The following REEP5 variants were observed in gnomAD, a reference collection of about 807,000 sequenced individuals.
The protein encoded by REEP5 is receptor accessory protein 5.
A neutral mutation model predicts 22.4 loss-of-function variants in REEP5; 24 were observed. The observed-to-expected ratio is 1.07, with a 90% CI of 0.78 to 1.51. The LOEUF is 1.51. Ranked by LOEUF, REEP5 falls within the 40% of genes most tolerant of loss-of-function variation. REEP5 has a pLI of 0.00. For synonymous variants in REEP5, 103 were observed against 88.6 expected (o/e 1.16, Z -0.92); for missense variants, 252 against 233.0 (o/e 1.08, Z -0.53).
At chr5:112,891,339 C>A (rs1247642339) in intron 3 of REEP5, among the ~76,000 whole-genome samples, 1 of 152,092 alleles carries the variant, frequency 6.6e-6, no homozygotes, top group East Asian at 1.9e-4. Flanking sequence ...TCCTAAAGTG[C>A]TGGGATTACA....
chr5:112,906,806 C>T (rs958233828), intron 2 of REEP5, among the ~76,000 whole-genome samples: 3 of 152,168 alleles, frequency 2.0e-5, no homozygotes, highest in African/African-American at 7.2e-5. Flanking sequence ...TGGAAACCAC[C>T]TCAAAGTTCC....
chr5:112,892,955 G>A, intron 3 of REEP5: 3 of 1,595,348 alleles, frequency 1.9e-6, no homozygotes, highest in African/African-American at 1.3e-5. Context: ...TGGGACCAGG[G>A]CCGCCGGAGC....
intron 3 of REEP5, 40 bp from the exon 4 acceptor site, chr5:112,887,223 GA>G (rs771564311): frequency 6.6e-7 from 1 of 1,504,362 alleles, no homozygotes; most frequent in Non-Finnish European, 9.0e-7. Flanking sequence ...CAGGAGGGTG[GA>G]GGGGGCACAT....
At chr5:112,889,226 A>G (rs1205280464) in intron 3 of REEP5, among the ~76,000 whole-genome samples, 1 of 148,634 alleles carries the variant, frequency 6.7e-6, no homozygotes, top group African/African-American at 2.6e-5. Flanking sequence ...ACAGAGCAAG[A>G]GCTCATCTCA....
At chr5:112,899,415 G>A (rs934991079) in intron 3 of REEP5, among the ~76,000 whole-genome samples, 1 of 152,026 alleles carries the variant, frequency 6.6e-6, no homozygotes, top group Non-Finnish European at 1.5e-5. Flanking sequence ...AGTATGCTGG[G>A]ATTACAGGCA....
intron 2 of REEP5, among the ~76,000 whole-genome samples, chr5:112,907,574 C>T (rs1315974811): frequency 6.6e-6 from 1 of 152,166 alleles, no homozygotes; most frequent in Non-Finnish European, 1.5e-5. Context: ...CAGCAGCTGG[C>T]AGCTCTAAAA....
At chr5:112,904,600 G>A (rs1768915983) in intron 2 of REEP5, among the ~76,000 whole-genome samples, 1 of 152,158 alleles carries the variant, frequency 6.6e-6, no homozygotes, top group Non-Finnish European at 1.5e-5. Flanking sequence ...GACTGTCATT[G>A]TTAATCCAGT....
Position 112,877,345 on chromosome 5 carries a change from GTTAGT to G in REEP5, c.*1436_*1440del, listed in dbSNP as rs1463379284. 1.3e-5 allele frequency: 2 copies of G among 152,090 alleles called. No homozygotes were observed. Among genetic ancestry groups the G allele is most frequent in the Non-Finnish European group, 2.9e-5 (2 of 68,006 alleles). 9.4% of individuals were successfully genotyped at this position (152,090 alleles called of 1,614,324 possible). A position where few individuals can be genotyped will look rare whatever the true frequency, so the allele number is the denominator to read the frequency against. ...CTGTACTGGCTGGATATTTAATCTT[GTTAGT>G]TTAGTTATACACTTGTTTTAGTCGA... On this transcript the variant is annotated 3_prime_UTR_variant, in exon 5 of 5. Coordinates refer to ENST00000379638, the MANE Select transcript of REEP5 (RefSeq NM_005669.5).
intron 3 of REEP5, among the ~76,000 whole-genome samples, chr5:112,890,383 A>T (rs560359938): frequency 2.6e-4 from 39 of 147,670 alleles, no homozygotes; most frequent in South Asian, 1.7e-3. Flanking sequence ...TTTTTTTTTT[A>T]AATAAAAAAG....
chr5:112,903,732 T>A (rs143168792), intron 2 of REEP5, among the ~76,000 whole-genome samples: 45 of 152,168 alleles, frequency 3.0e-4, no homozygotes, highest in African/African-American at 1.1e-3. Context: ...TTTTAGAAAA[T>A]AACCAAAAGG....
intron 2 of REEP5, among the ~76,000 whole-genome samples, chr5:112,911,940 A>G (rs1231517680): frequency 1.3e-5 from 2 of 152,174 alleles, no homozygotes; most frequent in Non-Finnish European, 2.9e-5. Context: ...ATGAAAGAAA[A>G]TACTCTTAGG....
At chr5:112,881,128 CAAAAAAAAAAAA>C (rs58737941) in intron 4 of REEP5, among the ~76,000 whole-genome samples, 4 of 67,218 alleles carry the variant, frequency 6.0e-5, no homozygotes, top group East Asian at 5.2e-4. Context: ...GACTCTGTTT[CAAAAAAAAAAAA>C]AAAAAAAAAA....
At chr5:112,890,245 C>T (rs1486106424) in intron 3 of REEP5, among the ~76,000 whole-genome samples, 1 of 150,318 alleles carries the variant, frequency 6.7e-6, no homozygotes, top group East Asian at 2.0e-4. Flanking sequence ...AGCTGTGATA[C>T]CATCACTGCA....
chr5:112,910,844 T>G (rs1029330862), intron 2 of REEP5, among the ~76,000 whole-genome samples: 1 of 152,328 alleles, frequency 6.6e-6, no homozygotes, highest in East Asian at 1.9e-4. Context: ...AGAGCCCTGA[T>G]TTTATATACA....
chr5:112,891,636 C>T (rs1484886504), intron 3 of REEP5: 1 of 1,599,954 alleles, frequency 6.3e-7, no homozygotes, highest in Admixed American at 1.8e-5. Context: ...GCGGTGCTGG[C>T]AAGATGGCTG....
intron 3 of REEP5, among the ~76,000 whole-genome samples, chr5:112,889,382 C>T (rs574925890): frequency 3.1e-4 from 46 of 150,644 alleles, no homozygotes; most frequent in African/African-American, 9.9e-4. Context: ...CAGACAAACA[C>T]CAACTCCCAA....
intron 2 of REEP5, among the ~76,000 whole-genome samples, chr5:112,906,968 T>C (rs1048036412): frequency 1.3e-5 from 2 of 152,206 alleles, no homozygotes; most frequent in East Asian, 3.8e-4. Context: ...GAAGTCAAAC[T>C]GAATAATGTC....
Position 112,878,796 on chromosome 5 carries a change from T to C in REEP5, c.560A>G (p.Lys187Arg). Residue 187 changes from lysine (K) to arginine (R), a missense_variant, in exon 5 of 5, where the codon AAG becomes AGG. By Grantham distance (26) the Lys-to-Arg change is conservative. Coordinates refer to ENST00000379638, the MANE Select transcript of REEP5 (RefSeq NM_005669.5). ...ATVNLLGEEK[K>R]ST ...TCCATCCAGTCTGGTTTAGGTGCTC[T>C]TCTTTTCTTCACCCAGTAAATTCAC... The C allele has an allele frequency of 6.2e-7, 1 of 1,614,210 alleles. No individual in the cohort carries two copies. Among genetic ancestry groups the C allele is most frequent in the Non-Finnish European group, 8.5e-7 (1 of 1,180,038 alleles).
intron 3 of REEP5, chr5:112,891,560 GAC>G: frequency 1.3e-6 from 2 of 1,542,540 alleles, no homozygotes; most frequent in Non-Finnish European, 1.8e-6. Flanking sequence ...TAGAATCACT[GAC>G]AGTGGCAGCT....
Sources: allele counts gnomAD v4.1 joint callset (sites outside exome capture counted in the v4.1 genomes callset), GRCh38; gene constraint gnomAD v4.1.1; transcripts MANE v1.5; gene names NCBI Gene and HGNC (gene_info 2026-07-23, HGNC 2026-07-21).